Variants in MAOA observed in about 807,000 individuals in gnomAD.
The protein encoded by MAOA is monoamine oxidase A.
MAOA carries 6 observed loss-of-function variants against 42.0 expected under a neutral mutation model. The ratio of observed to expected loss-of-function variants is 0.14; its 90% confidence interval spans 0.08 to 0.28. The LOEUF (loss-of-function observed/expected upper bound fraction) is 0.28, where lower values mean the gene tolerates loss of function less well. Ranked by LOEUF, MAOA falls within the 10% of genes least tolerant of loss-of-function variation. The pLI is 1.00. For synonymous variants in MAOA, 140 were observed against 154.0 expected, an observed-to-expected ratio of 0.91 and a Z score of 0.67; for missense variants, 262 against 422.3, an observed-to-expected ratio of 0.62 and a Z score of 3.33.
rs1601935224 is a variant in MAOA, at chrX:43,693,377, C to G, written c.255C>G (p.Gly85=). 4.1e-6 allele frequency: 5 copies of G among 1,208,655 alleles called. No homozygotes were observed. The highest frequency in any genetic ancestry group is 2.3e-4 in the Middle Eastern group (1 of 4,373). The change falls in exon 3 of 15, where the codon GGC becomes GGG. Residue 85 remains glycine, a synonymous_variant. Transcript: ENST00000338702. ...TCTTACGCTTGTCTAAGGAGCTGGG[C>G]ATAGAGACTTACAAAGTGAATGTCA... ...NRILRLSKEL[G]IETYKVNVSE...
intron 5 of MAOA, among the ~76,000 whole-genome samples, chrX:43,714,939 G>A (rs1317865631): frequency 9.1e-6 from 1 of 110,157 alleles, no homozygotes; most frequent in Non-Finnish European, 1.9e-5. Context: ...TAGGGGAAGG[G>A]GAATTTTCCA....
chrX:43,688,927 T>C (rs1041221491), intron 2 of MAOA, among the ~76,000 whole-genome samples: 2 of 112,033 alleles, frequency 1.8e-5, no homozygotes, highest in Admixed American at 1.9e-4. Context: ...TCACTGAGAT[T>C]TATTTTGTTT....
rs368648935 is a variant in MAOA at position 43,681,881 on chromosome X, T to TATA, written c.74-1632_74-1631insATA. On this transcript the variant is annotated intron_variant, in intron 1 of 14. Transcript: ENST00000338702. The stretch of plus-strand genomic sequence containing the variant: ...CAATAGCACTATATATATATATATA[T>TATA]TTTTTTTTTTTTTTCTTTGAGACGG... Among the ~76,000 whole-genome samples the TATA allele has an allele frequency of 5.2e-3, 315 of 60,666 alleles. 2 individuals carry two copies. Among genetic ancestry groups the TATA allele is most frequent in the African/African-American group, 0.023 (301 of 13,139 alleles). 52.7% of individuals were successfully genotyped at this position (60,666 alleles called of 115,157 possible). A position where few individuals can be genotyped will look rare whatever the true frequency, so the allele number is the denominator to read the frequency against.
rs2147103529 is a variant in MAOA, at chrX:43,732,755, G to A, written c.1012G>A (p.Asp338Asn). 1 of 1,209,650 alleles carries A rather than the reference G, an allele frequency of 8.3e-7. No individual in the cohort carries two copies. Reference sequence around the variant, plus strand: ...AGATGCTCCAATTTCAATAACCTTGGATGACACCAAGCCAGATGGGTCACT... The same window carrying A: ...AGATGCTCCAATTTCAATAACCTTGAATGACACCAAGCCAGATGGGTCACT... ...DEDAPISITL[D>N]DTKPDGSLPA... Residue 338 changes from aspartate (D) to asparagine (N), a missense_variant, in exon 9 of 15, where the codon GAT (aspartate) becomes AAT (asparagine). Physicochemically the swap from Asp to Asn is conservative, Grantham distance 23 (BLOSUM62 1). Around this residue, in one of 3 missense-constraint regions of MAOA, gnomAD observed 86 missense variants for 190.3 expected, o/e 0.45. Transcript: ENST00000338702.
At position 43,732,810 on chromosome X, in the gene MAOA, G is replaced by A. The variant is rs767341352; in HGVS notation, c.1052+15G>A. Reference sequence around the variant, plus strand: ...GCCATCATGGGGTAGGTTAGAGCAGGGTGTTCTGCATTTTCCAAATTGTGT... The same window carrying A: ...GCCATCATGGGGTAGGTTAGAGCAGAGTGTTCTGCATTTTCCAAATTGTGT... On this transcript the variant is annotated intron_variant, in intron 9 of 14. Transcript: ENST00000338702. 1 of 1,122,925 alleles carries A rather than the reference G, an allele frequency of 8.9e-7. No individual in the cohort carries two copies. The highest frequency in any genetic ancestry group is 3.0e-5 in the East Asian group (1 of 33,465). The allele number at this position is 1,122,925 out of a possible 1,213,427, so 92.5% of individuals were successfully genotyped here.
In MAOA at chrX:43,743,830, G is replaced by A. The variant is rs774129169; in HGVS notation, c.1299G>A (p.Ala433=). The part of the protein sequence containing the change: ...IRQPVGRIFF[A]GTETATKWSG... Reference sequence around the variant, plus strand: ...AACCCGTGGGCAGGATTTTCTTTGCGGGCACAGAGACTGCCACAAAGTGGA... The same window carrying A: ...AACCCGTGGGCAGGATTTTCTTTGCAGGCACAGAGACTGCCACAAAGTGGA... The change falls in exon 13 of 15, where the codon GCG becomes GCA. Residue 433 remains alanine (A), a synonymous_variant. Coordinates refer to ENST00000338702, the MANE Select transcript of MAOA (RefSeq NM_000240.4). 18 of 1,170,573 alleles carry A rather than the reference G, an allele frequency of 1.5e-5. No homozygotes were observed. Among genetic ancestry groups the A allele is most frequent in the Middle Eastern group, 2.3e-4 (1 of 4,328 alleles).
chrX:43,715,655 A>G (rs1319423574), intron 5 of MAOA, among the ~76,000 whole-genome samples: 2 of 110,714 alleles, frequency 1.8e-5, no homozygotes, highest in Admixed American at 9.6e-5. Context: ...GCAGAAGAAA[A>G]CATGGTACAT....
rs1357159548 is a variant in MAOA at position 43,664,452 on chromosome X, A to G, written c.73+8038A>G. On this transcript the variant is annotated intron_variant, in intron 1 of 14. Coordinates refer to ENST00000338702, the MANE Select transcript of MAOA (RefSeq NM_000240.4). Reference sequence around the variant, plus strand: ...AGAGATGAGCCTGAAATGCTCTTCAAAGTTGGTTCAGAGGTCCAATGTCAG... The same window carrying G: ...AGAGATGAGCCTGAAATGCTCTTCAGAGTTGGTTCAGAGGTCCAATGTCAG... Among the ~76,000 whole-genome samples, 5 of 111,531 alleles carry G rather than the reference A, an allele frequency of 4.5e-5. No homozygotes were observed. The East Asian group carries it at 1.4e-3, about 31-fold the overall frequency.
rs569694642 is a variant in MAOA, at chrX:43,716,377, T to A, written c.503+3581T>A. Among the ~76,000 whole-genome samples, 7 of 110,494 alleles carry A rather than the reference T, an allele frequency of 6.3e-5. No individual in the cohort carries two copies. In the Admixed American group the frequency reaches 6.7e-4, roughly 11 times the overall value. On this transcript the variant is annotated intron_variant, in intron 5 of 14. Coordinates refer to ENST00000338702, the MANE Select transcript of MAOA (RefSeq NM_000240.4). ...CTACAAAATTGAGGAAGGAGGGGAA[T>A]GATGGATGAGCTAGGTGGATGGGAT... is the stretch of plus-strand genomic sequence containing the variant.
At chrX:43,718,324 G>A (rs1159266745) in intron 5 of MAOA, among the ~76,000 whole-genome samples, 1 of 102,919 alleles carries the variant, frequency 9.7e-6, no homozygotes, top group Non-Finnish European at 2.0e-5. Flanking sequence ...TGGGTTTAGA[G>A]AGATGGTGTC....
intron 7 of MAOA, 126 bp from the exon 8 acceptor site, chrX:43,731,568 T>C (rs2033881161): frequency 1.1e-6 from 1 of 876,804 alleles, no homozygotes; most frequent in African/African-American, 2.0e-5. Flanking sequence ...CACAGTTGCC[T>C]CATTTTCTCA....
chrX:43,731,545 T>C lies in MAOA; in HGVS notation c.796-149T>C, dbSNP rs779450068. 3 of 846,231 alleles carry C rather than the reference T, an allele frequency of 3.5e-6. No individual in the cohort carries two copies. In the South Asian group the frequency reaches 6.5e-5, roughly 18 times the overall value. 69.7% of individuals were successfully genotyped at this position (846,231 alleles called of 1,213,427 possible). On this transcript the variant is annotated intron_variant, in intron 7 of 14. Transcript: ENST00000338702. The stretch of plus-strand genomic sequence containing the variant: ...CAGCCTTGGTTGACCTACCTTGATC[T>C]GTTTTGTTGCCTCACAGTTGCCTCA...
At chrX:43,704,248 C>A (rs1220074130) in intron 3 of MAOA, among the ~76,000 whole-genome samples, 6 of 111,023 alleles carry the variant, frequency 5.4e-5, no homozygotes, top group Admixed American at 1.9e-4. Flanking sequence ...AAAATACTAG[C>A]AAACTGAATC....
chrX:43,718,963 C>A (rs1290372266), intron 5 of MAOA, among the ~76,000 whole-genome samples: 1 of 110,317 alleles, frequency 9.1e-6, no homozygotes, highest in African/African-American at 3.3e-5. Context: ...CCAGGGATGA[C>A]CCAAAGGGGC....
At chrX:43,705,671 A>G (rs946041228) in intron 3 of MAOA, among the ~76,000 whole-genome samples, 8 of 112,321 alleles carry the variant, frequency 7.1e-5, no homozygotes, top group Admixed American at 5.7e-4. Flanking sequence ...TGAAAAGACA[A>G]TCCATAGAAT....
At chrX:43,719,442 G>A (rs1238992938) in intron 5 of MAOA, among the ~76,000 whole-genome samples, 1 of 111,232 alleles carries the variant, frequency 9.0e-6, no homozygotes, top group Non-Finnish European at 1.9e-5. Flanking sequence ...TAGAGGTCCG[G>A]GGGATACCGG....
chrX:43,721,887 T>A (rs2033793030), intron 5 of MAOA, among the ~76,000 whole-genome samples: 1 of 110,588 alleles, frequency 9.0e-6, no homozygotes, highest in African/African-American at 3.3e-5. Context: ...CCCCTCCCTG[T>A]GTCCATGTGT....
intron 5 of MAOA, among the ~76,000 whole-genome samples, chrX:43,721,393 C>A (rs1601944059): frequency 9.0e-6 from 1 of 111,633 alleles, no homozygotes; most frequent in African/African-American, 3.3e-5. Flanking sequence ...AGTGCAGGAT[C>A]TATGGGCCAC....
intron 1 of MAOA, among the ~76,000 whole-genome samples, chrX:43,666,632 A>G (rs2033280891): frequency 9.0e-6 from 1 of 110,527 alleles, no homozygotes; most frequent in African/African-American, 3.3e-5. Flanking sequence ...CCTCACAGAA[A>G]CCAGGATGAT....
Sources: gnomAD v4.1 joint callset for allele counts (sites outside exome capture counted in the v4.1 genomes callset) on GRCh38, gnomAD v4.1.1 for gene constraint, gnomAD v4.1.1 regional missense constraint, MANE v1.5 for transcripts, NCBI Gene and HGNC (gene_info 2026-07-23, HGNC 2026-07-21) for gene names.